Variants in WASF2 observed in about 807,000 individuals in gnomAD.
The protein encoded by WASF2 is WASP family member 2, also known as actin-binding protein WASF2.
In WASF2, 14 loss-of-function variants were observed where a neutral mutation model predicts 45.0. The observed-to-expected ratio is 0.31, with a 90% CI of 0.21 to 0.49. The LOEUF (loss-of-function observed/expected upper bound fraction) is 0.49. Ranked by LOEUF, WASF2 falls within the 20% of genes least tolerant of loss-of-function variation. WASF2 has a pLI of 0.99. For missense variants in WASF2, 439 were observed against 636.1 expected (o/e 0.69, Z 3.33); for synonymous variants, 200 against 236.3 (o/e 0.85, Z 1.41).
chr1:27,449,007 A>G (rs2017346719), intron 1 of WASF2, among the ~76,000 whole-genome samples: 1 of 151,948 alleles, frequency 6.6e-6, no homozygotes, highest in African/African-American at 2.4e-5. Flanking sequence ...CTTTTGCTCA[A>G]GTTTGACCAC....
chr1:27,454,177 ATATATATATAT>A (rs2017431087), intron 1 of WASF2, among the ~76,000 whole-genome samples: 20 of 19,926 alleles, frequency 1.0e-3, no homozygotes, highest in African/African-American at 2.6e-3. Flanking sequence ...ATATATATAT[ATATATATATAT>A]TTTTTTTTTT....
chr1:27,413,762 A>C (rs2148100289), intron 6 of WASF2, among the ~76,000 whole-genome samples: 1 of 152,350 alleles, frequency 6.6e-6, no homozygotes, highest in African/African-American at 2.4e-5. Flanking sequence ...CTGGCCTTAG[A>C]GTCATTGAAC....
At position 27,410,233 on chromosome 1, in the gene WASF2, A is replaced by G; in HGVS notation, c.825-27T>C. 6.2e-7 allele frequency: 1 copy of G among 1,613,304 alleles called. No individual in the cohort carries two copies. Among genetic ancestry groups the G allele is most frequent in the East Asian group, 2.2e-5 (1 of 44,880 alleles). Reference sequence around the variant, plus strand: ...TAAAAGGCCAAAGAAAAAAAGACTCACCATCACCCTTAGAATGCAGACACC... The same window carrying G: ...TAAAAGGCCAAAGAAAAAAAGACTCGCCATCACCCTTAGAATGCAGACACC... On this transcript the variant is annotated intron_variant, in intron 7 of 8. Transcript: ENST00000618852. The surrounding 1 kb of genome is among the most constrained non-coding windows in gnomAD (Gnocchi z 4.2).
At chr1:27,427,837 A>G (rs758960059) in intron 2 of WASF2, among the ~76,000 whole-genome samples, 2 of 152,162 alleles carry the variant, frequency 1.3e-5, no homozygotes, top group Non-Finnish European at 2.9e-5. Flanking sequence ...GCTAAGGAAG[A>G]TCACTAAAAT....
intron 1 of WASF2, among the ~76,000 whole-genome samples, chr1:27,433,741 G>A (rs530258046): frequency 1.1e-4 from 16 of 152,286 alleles, no homozygotes; most frequent in Admixed American, 7.2e-4. Context: ...CAGCCCCACC[G>A]GCTGCTCTCT....
At chr1:27,411,006 A>C (rs2016754397) in intron 7 of WASF2, among the ~76,000 whole-genome samples, 1 of 152,206 alleles carries the variant, frequency 6.6e-6, no homozygotes, top group South Asian at 2.1e-4. Context: ...TTAGAAAAGC[A>C]GCCATTTTGG....
chr1:27,487,509 T>A (rs1319326238), intron 1 of WASF2, among the ~76,000 whole-genome samples: 7 of 100,576 alleles, frequency 7.0e-5, no homozygotes, highest in African/African-American at 3.0e-4. Context: ...TTATAATATA[T>A]GTTATATTAT....
intron 1 of WASF2, among the ~76,000 whole-genome samples, chr1:27,483,167 T>A (rs572619078): frequency 2.4e-4 from 37 of 152,188 alleles, no homozygotes; most frequent in African/African-American, 8.2e-4. Context: ...AAACCCCATC[T>A]CTACTAAAAA....
intron 1 of WASF2, among the ~76,000 whole-genome samples, chr1:27,440,660 T>G (rs2017211423): frequency 6.6e-6 from 1 of 152,150 alleles, no homozygotes; most frequent in Admixed American, 6.6e-5. Context: ...GGCACAATCA[T>G]AGTGCACTAA....
In WASF2 at chr1:27,487,644, T is replaced by TTA. The variant is rs1491300311; in HGVS notation, c.-44+2340_-44+2341dup. ...TATTTTATACAATATATAATATATA[T>TTA]TATATATTATATAATATATATTATA... On this transcript the variant is annotated intron_variant, in intron 1 of 8. Coordinates refer to ENST00000618852, the MANE Select transcript of WASF2 (RefSeq NM_006990.5). 4.9e-4 allele frequency among the ~76,000 whole-genome samples: 39 copies of TTA among 79,752 alleles called. 1 individual carries two copies. The East Asian group carries it at 9.1e-3, about 19-fold the overall frequency. 52.3% of individuals were successfully genotyped at this position (79,752 alleles called of 152,430 possible).
chr1:27,431,213 C>T (rs766817543), intron 1 of WASF2, among the ~76,000 whole-genome samples: 23 of 152,198 alleles, frequency 1.5e-4, no homozygotes, highest in Non-Finnish European at 2.5e-4. Context: ...TACTTGTCTA[C>T]TGTCTAAGGA....
intron 1 of WASF2, among the ~76,000 whole-genome samples, chr1:27,440,201 C>T (rs569832677): frequency 1.3e-5 from 2 of 152,202 alleles, no homozygotes; most frequent in African/African-American, 4.8e-5. Context: ...TAGGATGCCA[C>T]TGATTGAAAG....
At chr1:27,446,315 C>T (rs1472509629) in intron 1 of WASF2, among the ~76,000 whole-genome samples, 2 of 151,954 alleles carry the variant, frequency 1.3e-5, no homozygotes, top group African/African-American at 2.4e-5. Flanking sequence ...TTACAGGGAC[C>T]GCAAAGAGGG....
intron 1 of WASF2, among the ~76,000 whole-genome samples, chr1:27,439,227 GT>G (rs1169668119): frequency 6.6e-6 from 1 of 152,188 alleles, no homozygotes; most frequent in African/African-American, 2.4e-5. Flanking sequence ...CTGTAAAGTT[GT>G]TGTGAAGAAA....
At chr1:27,416,604 T>C (rs931135447) in intron 4 of WASF2, among the ~76,000 whole-genome samples, 29 of 152,236 alleles carry the variant, frequency 1.9e-4, no homozygotes, top group African/African-American at 6.3e-4. Context: ...GTGTGTGGTT[T>C]ACAGCTGTTA....
chr1:27,410,795 A>G lies in WASF2; in HGVS notation c.825-589T>C, dbSNP rs2016751523. ...CTCATGTGGGGAAATCTTGAGAGAGAATGAATCTCAATCCGAGAATCTGCA... is the reference window on the plus strand; with the variant it reads ...CTCATGTGGGGAAATCTTGAGAGAGGATGAATCTCAATCCGAGAATCTGCA... On this transcript the variant is annotated intron_variant, in intron 7 of 8. Transcript: ENST00000618852. The surrounding 1 kb of genome is among the most constrained non-coding windows in gnomAD (Gnocchi z 4.2). Among the ~76,000 whole-genome samples, 1 of 152,184 alleles carries G rather than the reference A, an allele frequency of 6.6e-6. No individual in the cohort carries two copies. Among genetic ancestry groups the G allele is most frequent in the South Asian group, 2.1e-4 (1 of 4,828 alleles).
chr1:27,461,676 G>A (rs9438517), intron 1 of WASF2, among the ~76,000 whole-genome samples: 1,616 of 151,654 alleles, frequency 0.011, 28 homozygotes, highest in African/African-American at 0.038. Context: ...GGGTTTCACC[G>A]TGTTAGCCAG....
intron 1 of WASF2, among the ~76,000 whole-genome samples, chr1:27,480,406 A>G (rs2017830616): frequency 6.6e-6 from 1 of 151,870 alleles, no homozygotes; most frequent in African/African-American, 2.4e-5. Flanking sequence ...AATCCCAGCT[A>G]CTCGAGAGGC....
At chr1:27,468,787 C>T (rs563283860) in intron 1 of WASF2, among the ~76,000 whole-genome samples, 122 of 151,922 alleles carry the variant, frequency 8.0e-4, no homozygotes, top group African/African-American at 2.8e-3. Flanking sequence ...CAAGACCAGC[C>T]TGGCCAACAT....
Sources: gnomAD v4.1 joint callset for allele counts (sites outside exome capture counted in the v4.1 genomes callset) on GRCh38, gnomAD v4.1.1 for gene constraint, Gnocchi (gnomAD v3.1) non-coding constraint, MANE v1.5 for transcripts, NCBI Gene and HGNC (gene_info 2026-07-23, HGNC 2026-07-21) for gene names.